USP20: variants seen among roughly 807,000 people sequenced by gnomAD.
The protein encoded by USP20 is ubiquitin specific peptidase 20.
Under a neutral mutation model 124.2 loss-of-function variants are expected in USP20, and 80 were observed. That is an observed-to-expected ratio of 0.64 (90% CI 0.54 to 0.78). USP20 has a LOEUF of 0.78. Ranked by LOEUF, USP20 falls within the 30% of genes least tolerant of loss-of-function variation. USP20 has a pLI of 0.00. For missense variants in USP20, 1,043 were observed against 1,244.4 expected (o/e 0.84, Z 2.44); for synonymous variants, 481 against 512.3 (o/e 0.94, Z 0.83).
intron 6 of USP20, among the ~76,000 whole-genome samples, chr9:129,859,422 C>A (rs1402746837): frequency 6.6e-6 from 1 of 150,712 alleles, no homozygotes; most frequent in African/African-American, 2.4e-5. Context: ...TACAGGCGCC[C>A]ACGACCATGC....
At chr9:129,869,209 C>T in intron 12 of USP20, 101 bp from the exon 13 acceptor site, 9 of 1,339,178 alleles carry the variant, frequency 6.7e-6, no homozygotes, top group South Asian at 2.5e-5. Context: ...TCATGTGACT[C>T]ACGGATGTCA....
At chr9:129,870,792 A>G (rs541362516) in intron 15 of USP20, among the ~76,000 whole-genome samples, 112 of 152,284 alleles carry the variant, frequency 7.4e-4, no homozygotes, top group African/African-American at 2.6e-3. Context: ...ATTTTTACCA[A>G]TTTGGTGGGC....
intron 22 of USP20, among the ~76,000 whole-genome samples, chr9:129,876,592 T>C (rs947114037): frequency 1.3e-5 from 2 of 150,100 alleles, no homozygotes; most frequent in African/African-American, 4.9e-5. Flanking sequence ...TGAGCTGAGA[T>C]TGTGCCACTG....
rs2033967718 is a variant in USP20 at position 129,868,905 on chromosome 9, C to T, written c.1179C>T (p.Cys393=). The T allele has an allele frequency of 1.2e-6, 2 of 1,609,780 alleles. No homozygotes were observed. The highest frequency in any genetic ancestry group is 1.1e-5 in the South Asian group (1 of 90,640). Reference sequence around the variant, plus strand: ...ACCTACGCAGCTCCTCTCGCCCCTGCAGCCCCGTCCACCACCACGAGGGCC... The same window carrying T: ...ACCTACGCAGCTCCTCTCGCCCCTGTAGCCCCGTCCACCACCACGAGGGCC... ...DAHLRSSSRP[C]SPVHHHEGHA... is the part of the protein sequence containing the mutation. The change falls in exon 12 of 26, where the codon TGC becomes TGT. Residue 393 remains cysteine (C), a synonymous_variant. Coordinates refer to ENST00000372429, the MANE Select transcript of USP20 (RefSeq NM_001110303.4).
At chr9:129,853,138 T>C (rs897277978) in intron 3 of USP20, among the ~76,000 whole-genome samples, 2 of 152,088 alleles carry the variant, frequency 1.3e-5, no homozygotes, top group Non-Finnish European at 2.9e-5. Flanking sequence ...CTCACCCCTG[T>C]GCCCACCCTC....
In USP20 at chr9:129,879,613, C is replaced by G. The variant is rs1175704253; in HGVS notation, c.2553C>G (p.Val851=). Reference sequence around the variant, plus strand: ...TTGACAACAGCAGGATTGCACAGGTCAAAGGAAGCGGCCATGTCCAGCTGA... The same window carrying G: ...TTGACAACAGCAGGATTGCACAGGTGAAAGGAAGCGGCCATGTCCAGCTGA... ...GPIDNSRIAQ[V]KGSGHVQLKQ... The change falls in exon 24 of 26, where the codon GTC becomes GTG. Residue 851 remains valine, a synonymous_variant. Coordinates refer to ENST00000372429, the MANE Select transcript of USP20 (RefSeq NM_001110303.4). This position sits in a 1 kb window ranked among gnomAD's most constrained non-coding sequence, Gnocchi z 4.2. 3 of 1,613,864 alleles carry G rather than the reference C, an allele frequency of 1.9e-6. No individual in the cohort carries two copies. Among genetic ancestry groups the G allele is most frequent in the Non-Finnish European group, 2.5e-6 (3 of 1,179,992 alleles).
intron 24 of USP20, 37 bp from the exon 25 acceptor site, chr9:129,880,076 C>T: frequency 6.2e-7 from 1 of 1,600,976 alleles, no homozygotes; most frequent in Non-Finnish European, 8.5e-7. Flanking sequence ...CTTGAGGAGG[C>T]AAAGGTGAGC....
chr9:129,871,006 C>A (rs760970901), intron 15 of USP20, among the ~76,000 whole-genome samples: 1 of 151,860 alleles, frequency 6.6e-6, no homozygotes, highest in Non-Finnish European at 1.5e-5. Context: ...CGATAAAATA[C>A]ACAAAATGTA....
At chr9:129,852,165 C>T (rs1375719453) in intron 2 of USP20, among the ~76,000 whole-genome samples, 1 of 152,170 alleles carries the variant, frequency 6.6e-6, no homozygotes, top group East Asian at 1.9e-4. Context: ...ATTTGGCCTC[C>T]TCTAACAAAA....
intron 1 of USP20, among the ~76,000 whole-genome samples, chr9:129,849,390 A>G (rs1237475303): frequency 1.3e-5 from 2 of 152,052 alleles, no homozygotes; most frequent in Non-Finnish European, 2.9e-5. Context: ...CATCCCCAAT[A>G]TCCTGAAATT....
intron 9 of USP20, among the ~76,000 whole-genome samples, chr9:129,864,426 T>C (rs1211786620): frequency 2.0e-5 from 3 of 146,740 alleles, no homozygotes; most frequent in Admixed American, 1.4e-4. Context: ...AGCTTGATCA[T>C]GCCATTGCAC....
chr9:129,858,117 G>A lies in USP20; in HGVS notation c.198+5G>A. On this transcript the variant is annotated splice_donor_5th_base_variant and intron_variant, in intron 5 of 25. Transcript: ENST00000372429. ...CACAGCACCATTCATGCACAGGTGAGTGTGGTGGCTGAGAGTATGGGCCCT... is the reference window on the plus strand; with the variant it reads ...CACAGCACCATTCATGCACAGGTGAATGTGGTGGCTGAGAGTATGGGCCCT... 1 of 1,613,736 alleles carries A rather than the reference G, an allele frequency of 6.2e-7. No homozygotes were observed. Among genetic ancestry groups the A allele is most frequent in the African/African-American group, 1.3e-5 (1 of 75,070 alleles).
chr9:129,850,617 G>T (rs1200179945), intron 2 of USP20, among the ~76,000 whole-genome samples: 1 of 152,084 alleles, frequency 6.6e-6, no homozygotes, highest in African/African-American at 2.4e-5. Flanking sequence ...GATCAGGTGG[G>T]CACACATGCA....
chr9:129,852,528 G>A lies in USP20; in HGVS notation c.-16-12G>A, dbSNP rs984231117. On this transcript the variant is annotated splice_polypyrimidine_tract_variant and intron_variant, in intron 2 of 25. Transcript: ENST00000372429. ...CTGCCATTAACCCGGGATTGCTTGTGTCTTCTCATAGGTGAGCCCAGGCCA... is the reference window on the plus strand; with the variant it reads ...CTGCCATTAACCCGGGATTGCTTGTATCTTCTCATAGGTGAGCCCAGGCCA... 1.9e-6 allele frequency: 3 copies of A among 1,574,770 alleles called. No homozygotes were observed. The highest frequency in any genetic ancestry group is 2.3e-5 in the South Asian group (2 of 86,050).
Position 129,856,342 on chromosome 9 carries a change from C to T in USP20, c.117C>T (p.Asn39=). The change falls in exon 4 of 26, where the codon AAC becomes AAT. Residue 39 remains asparagine (N), a synonymous_variant. Coordinates refer to ENST00000372429, the MANE Select transcript of USP20 (RefSeq NM_001110303.4). ...AGTCGTGTGGGGTCACCGGACCAAACCTATGGGCCTGTCTGCAGGTAAAAG... is the reference window on the plus strand; with the variant it reads ...AGTCGTGTGGGGTCACCGGACCAAATCTATGGGCCTGTCTGCAGGTAAAAG... ...TCQSCGVTGP[N]LWACLQVACP... 1 of 1,614,196 alleles carries T rather than the reference C, an allele frequency of 6.2e-7. No individual in the cohort carries two copies. Among genetic ancestry groups the T allele is most frequent in the Non-Finnish European group, 8.5e-7 (1 of 1,180,032 alleles).
intron 1 of USP20, among the ~76,000 whole-genome samples, chr9:129,844,089 T>G (rs979966462): frequency 6.6e-6 from 1 of 151,990 alleles, no homozygotes; most frequent in African/African-American, 2.4e-5. Context: ...AAGATTCATA[T>G]TCCAAAATGT....
chr9:129,843,151 C>T (rs1003511600), intron 1 of USP20, among the ~76,000 whole-genome samples: 8 of 150,044 alleles, frequency 5.3e-5, no homozygotes, highest in African/African-American at 1.2e-4. Context: ...AGATGTAGGC[C>T]GGGCATGGTG....
intron 1 of USP20, among the ~76,000 whole-genome samples, chr9:129,844,157 C>T (rs932649734): frequency 3.9e-4 from 59 of 152,078 alleles, no homozygotes; most frequent in African/African-American, 1.4e-3. Flanking sequence ...AAAAATACCA[C>T]GTCCTATGAT....
At chr9:129,862,033 T>G (rs992641494) in intron 8 of USP20, among the ~76,000 whole-genome samples, 1 of 152,084 alleles carries the variant, frequency 6.6e-6, no homozygotes, top group Admixed American at 6.5e-5. Context: ...ATGGGAGAAA[T>G]GCGATTTTCC....
Sources: gnomAD v4.1 joint callset for allele counts (sites outside exome capture counted in the v4.1 genomes callset) on GRCh38, gnomAD v4.1.1 for gene constraint, Gnocchi (gnomAD v3.1) non-coding constraint, MANE v1.5 for transcripts, NCBI Gene and HGNC (gene_info 2026-07-23, HGNC 2026-07-21) for gene names.